Variants in DNAH6 observed in about 807,000 individuals in gnomAD.
The protein encoded by DNAH6 is dynein axonemal heavy chain 6, also known as axonemal beta dynein heavy chain 6.
DNAH6 carries 340 observed loss-of-function variants against 491.4 expected under a neutral mutation model. The observed-to-expected ratio is 0.69, with a 90% confidence interval of 0.63 to 0.76. The LOEUF (loss-of-function observed/expected upper bound fraction) is 0.76, where lower values mean the gene tolerates loss of function less well. Ranked by LOEUF, DNAH6 falls within the 30% of genes least tolerant of loss-of-function variation. The probability of loss-of-function intolerance (pLI) is 0.00; values close to 1 mark genes in which losing one functional copy is unlikely to be tolerated. For synonymous variants in DNAH6, 1,603 were observed against 1,686.1 expected (o/e 0.95, Z 1.21); for missense variants, 4,443 against 4,972.2 (o/e 0.89, Z 3.20).
intron 21 of DNAH6, among the ~76,000 whole-genome samples, chr2:84,608,372 A>G (rs767782259): frequency 3.9e-5 from 6 of 152,210 alleles, no homozygotes; most frequent in Non-Finnish European, 7.3e-5. Flanking sequence ...ATTACTATCT[A>G]TGGCAGATAT....
the DNAH6 span, among the ~76,000 whole-genome samples, chr2:84,485,205 C>A: frequency 6.6e-6 from 1 of 152,004 alleles, no homozygotes; most frequent in Admixed American, 6.6e-5. Context: ...CAATGTTATC[C>A]GATGGGGGGT....
In DNAH6 at chr2:84,549,928, G is replaced by A. The variant is rs778515643; in HGVS notation, c.1356G>A (p.Met452Ile). The A allele has an allele frequency of 3.1e-6, 5 of 1,613,330 alleles. No individual in the cohort carries two copies. In the African/African-American group the frequency reaches 6.7e-5, roughly 22 times the overall value. ...RLNDYLIENT[M>I]HILTVNAVNS... ...ACGACTATCTAATTGAGAACACAATGCACATCTTAACGGTAAATGCTGTTA... is the reference window on the plus strand; with the variant it reads ...ACGACTATCTAATTGAGAACACAATACACATCTTAACGGTAAATGCTGTTA... Residue 452 changes from methionine to isoleucine, a missense_variant, in exon 9 of 77, where the codon ATG (methionine) becomes ATA (isoleucine). This residue lies in a region of DNAH6 where 2,977 missense variants were observed against 3,296.6 expected (regional missense o/e 0.90). Coordinates refer to ENST00000389394, the MANE Select transcript of DNAH6 (RefSeq NM_001370.2).
At chr2:84,757,904 T>A (rs1167126934) in intron 63 of DNAH6, among the ~76,000 whole-genome samples, 2 of 152,224 alleles carry the variant, frequency 1.3e-5, no homozygotes, top group African/African-American at 4.8e-5. Context: ...ATCCTCTTCA[T>A]GGCTTTAACT....
chr2:84,736,048 G>T (rs948372996), intron 62 of DNAH6, among the ~76,000 whole-genome samples: 4 of 152,050 alleles, frequency 2.6e-5, no homozygotes, highest in African/African-American at 7.2e-5. Context: ...TAAGAAGTAG[G>T]GGGTCCAGTT....
At chr2:84,646,475 T>G (rs112415895) in intron 33 of DNAH6, among the ~76,000 whole-genome samples, 1 of 152,322 alleles carries the variant, frequency 6.6e-6, no homozygotes, top group Admixed American at 6.5e-5. Context: ...AAAGCCAAGA[T>G]AGGCTGAAAG....
chr2:84,561,552 A>G (rs1252672467), intron 11 of DNAH6, among the ~76,000 whole-genome samples: 2 of 152,226 alleles, frequency 1.3e-5, no homozygotes, highest in Non-Finnish European at 2.9e-5. Context: ...ATCTAATTAA[A>G]CTAAAGAGCT....
chr2:84,498,125 C>T, the DNAH6 span, among the ~76,000 whole-genome samples: 24 of 152,210 alleles, frequency 1.6e-4, no homozygotes, highest in Non-Finnish European at 2.9e-4. Flanking sequence ...TCCTGAATCT[C>T]TGTGCTTCAT....
At chr2:84,459,976 T>G in the DNAH6 span, 3 of 152,232 alleles carry the variant, frequency 2.0e-5, no homozygotes, top group East Asian at 5.8e-4. Context: ...TCCCTGAGGA[T>G]CCTAAGGGCT....
At chr2:84,560,438 GT>G (rs1680525607) in intron 11 of DNAH6, among the ~76,000 whole-genome samples, 2 of 39,562 alleles carry the variant, frequency 5.1e-5, no homozygotes. Context: ...TACAAAAATA[GT>G]TTTCTTTTTT....
intron 4 of DNAH6, among the ~76,000 whole-genome samples, chr2:84,543,930 T>A (rs1678506881): frequency 6.6e-6 from 1 of 152,170 alleles, no homozygotes; most frequent in African/African-American, 2.4e-5. Flanking sequence ...CCAGATAGTT[T>A]TAATGTAGAA....
chr2:84,662,969 CA>C (rs1387188817), intron 37 of DNAH6, among the ~76,000 whole-genome samples: 2 of 152,192 alleles, frequency 1.3e-5, no homozygotes, highest in Admixed American at 1.3e-4. Context: ...GATACCCAGG[CA>C]AACAGGGTCT....
the DNAH6 span, among the ~76,000 whole-genome samples, chr2:84,491,880 G>A: frequency 3.9e-5 from 6 of 152,172 alleles, no homozygotes; most frequent in Non-Finnish European, 7.3e-5. Flanking sequence ...CTTGTTTACT[G>A]TATGCTTCAC....
chr2:84,683,727 T>A (rs1694030968), intron 42 of DNAH6, among the ~76,000 whole-genome samples: 1 of 151,614 alleles, frequency 6.6e-6, no homozygotes, highest in African/African-American at 2.4e-5. Flanking sequence ...CCGGCCAATA[T>A]TTTTTTTTCT....
chr2:84,709,968 A>G (rs1224063587), intron 55 of DNAH6, among the ~76,000 whole-genome samples: 1 of 152,200 alleles, frequency 6.6e-6, no homozygotes, highest in East Asian at 1.9e-4. Context: ...CCCTAAGTTC[A>G]TGGATCAGGT....
intron 10 of DNAH6, among the ~76,000 whole-genome samples, chr2:84,554,165 G>A (rs1343008275): frequency 6.6e-6 from 1 of 152,180 alleles, no homozygotes; most frequent in Non-Finnish European, 1.5e-5. Context: ...CTCTTAGGAA[G>A]GGCTCAATCC....
chr2:84,573,445 T>C, intron 11 of DNAH6, 22 bp from the exon 12 acceptor site: 4 of 1,559,104 alleles, frequency 2.6e-6, no homozygotes, highest in Non-Finnish European at 3.4e-6. Context: ...GTCATATTTG[T>C]CTGCTTATTT....
intron 58 of DNAH6, among the ~76,000 whole-genome samples, chr2:84,716,308 A>G (rs1013325347): frequency 2.6e-5 from 4 of 151,246 alleles, no homozygotes; most frequent in African/African-American, 9.7e-5. Flanking sequence ...ATTTGTTAAA[A>G]TAATAACATT....
chr2:84,660,954 G>A (rs756765094), intron 37 of DNAH6, among the ~76,000 whole-genome samples: 10 of 152,004 alleles, frequency 6.6e-5, no homozygotes, highest in Admixed American at 3.9e-4. Flanking sequence ...CTTAGACTTG[G>A]AAAAATATAG....
intron 33 of DNAH6, among the ~76,000 whole-genome samples, chr2:84,646,667 G>A (rs1322271844): frequency 6.6e-6 from 1 of 152,136 alleles, no homozygotes; most frequent in Non-Finnish European, 1.5e-5. Flanking sequence ...ATTCCATTAA[G>A]CCAAAGCCTA....
Sources: gnomAD v4.1 joint callset for allele counts (sites outside exome capture counted in the v4.1 genomes callset) on GRCh38, gnomAD v4.1.1 for gene constraint, gnomAD v4.1.1 regional missense constraint, MANE v1.5 for transcripts, NCBI Gene and HGNC (gene_info 2026-07-23, HGNC 2026-07-21) for gene names.